Variants in UBE2V2 observed in about 807,000 individuals in gnomAD.
UBE2V2 encodes ubiquitin-conjugating enzyme E2 variant 2.
Under a neutral mutation model 17.2 loss-of-function variants are expected in UBE2V2, and 9 were observed. The ratio of observed to expected loss-of-function variants is 0.52; its 90% CI spans 0.32 to 0.91. The LOEUF (loss-of-function observed/expected upper bound fraction) is 0.91. Among genes scored for constraint, UBE2V2 ranks in the 40% least tolerant of loss-of-function variants. UBE2V2 has a pLI of 0.04. For synonymous variants in UBE2V2, 61 were observed against 57.5 expected (o/e 1.06, Z -0.28); for missense variants, 133 against 182.6 (o/e 0.73, Z 1.56).
rs943742701 is a variant in UBE2V2, at chr8:48,064,118, A to C, written c.*3290A>C. 1 of 152,216 alleles carries C rather than the reference A, an allele frequency of 6.6e-6. No individual in the cohort carries two copies. Among genetic ancestry groups the C allele is most frequent in the Admixed American group, 6.5e-5 (1 of 15,270 alleles). 9.4% of individuals were successfully genotyped at this position (152,216 alleles called of 1,614,324 possible). ...TATTAGGTACATTTTGAAGAATATAAGTACTGATGATAAAGTCTAGTATGC... is the reference window on the plus strand; with the variant it reads ...TATTAGGTACATTTTGAAGAATATACGTACTGATGATAAAGTCTAGTATGC... On this transcript the variant is annotated 3_prime_UTR_variant, in exon 4 of 4. Transcript: ENST00000523111.
chr8:48,049,733 A>T, intron 2 of UBE2V2, 120 bp from the exon 3 acceptor site: 1 of 843,218 alleles, frequency 1.2e-6, no homozygotes, highest in Non-Finnish European at 1.7e-6. Flanking sequence ...ATAAATTCTT[A>T]ATCATAAACA....
At chr8:48,056,319 T>C (rs1362646195) in intron 3 of UBE2V2, among the ~76,000 whole-genome samples, 2 of 152,194 alleles carry the variant, frequency 1.3e-5, no homozygotes, top group African/African-American at 4.8e-5. Flanking sequence ...AATATTTGTA[T>C]ACAAGTTTTT....
intron 1 of UBE2V2, among the ~76,000 whole-genome samples, chr8:48,022,974 C>CT (rs767561800): frequency 2.6e-5 from 4 of 151,758 alleles, no homozygotes; most frequent in Non-Finnish European, 5.9e-5. Context: ...CCCCTGGCCT[C>CT]TAAGTTTTCT....
chr8:48,047,692 G>C (rs1170119441), intron 2 of UBE2V2, among the ~76,000 whole-genome samples: 1 of 151,966 alleles, frequency 6.6e-6, no homozygotes, highest in Non-Finnish European at 1.5e-5. Context: ...CGACTAGCTG[G>C]GATTACAGGC....
chr8:48,007,110 G>T (rs1457385403), upstream of UBE2V2, among the ~76,000 whole-genome samples: 2 of 151,204 alleles, frequency 1.3e-5, no homozygotes, highest in Admixed American at 1.3e-4. Context: ...AGATGGTCTT[G>T]ATCTTCTGAC....
At chr8:48,000,821 C>CAAAAAAA in the UBE2V2 span, among the ~76,000 whole-genome samples, 1 of 20,486 alleles carries the variant, frequency 4.9e-5, no homozygotes, top group Non-Finnish European at 1.1e-4. Context: ...GACTTTGCCT[C>CAAAAAAA]AAAAAAAAAA....
At chr8:48,015,677 C>A (rs1313926882) in intron 1 of UBE2V2, among the ~76,000 whole-genome samples, 1 of 152,074 alleles carries the variant, frequency 6.6e-6, no homozygotes, top group Non-Finnish European at 1.5e-5. Context: ...CTCTGGTAAC[C>A]ACCATCTCCT....
chr8:48,046,345 C>G (rs1169992035), intron 2 of UBE2V2, among the ~76,000 whole-genome samples: 4 of 152,162 alleles, frequency 2.6e-5, no homozygotes, highest in Non-Finnish European at 5.9e-5. Flanking sequence ...GTCTCGATCT[C>G]CTGACCTTGT....
intron 1 of UBE2V2, among the ~76,000 whole-genome samples, chr8:48,024,150 G>T (rs2091324405): frequency 6.6e-6 from 1 of 152,092 alleles, no homozygotes; most frequent in Non-Finnish European, 1.5e-5. Flanking sequence ...CTTTTAAATA[G>T]AAATAGAAAA....
At chr8:48,018,036 C>T (rs2091282126) in intron 1 of UBE2V2, among the ~76,000 whole-genome samples, 1 of 151,940 alleles carries the variant, frequency 6.6e-6, no homozygotes, top group East Asian at 1.9e-4. Flanking sequence ...GGGGTTTCGC[C>T]ATGTTGGCCA....
the UBE2V2 span, among the ~76,000 whole-genome samples, chr8:48,002,504 G>C: frequency 6.6e-6 from 1 of 152,056 alleles, no homozygotes; most frequent in Non-Finnish European, 1.5e-5. Flanking sequence ...GTAAGGAATG[G>C]AGGCCAGGCA....
At chr8:48,002,176 C>T in the UBE2V2 span, among the ~76,000 whole-genome samples, 1 of 152,166 alleles carries the variant, frequency 6.6e-6, no homozygotes, top group Admixed American at 6.5e-5. Context: ...GGTCGTACCT[C>T]TTAACATTGT....
At chr8:48,004,730 CA>C (rs2091172679), upstream of UBE2V2, among the ~76,000 whole-genome samples, 1 of 151,958 alleles carries the variant, frequency 6.6e-6, no homozygotes, top group Non-Finnish European at 1.5e-5. Context: ...AGGGTTTCAC[CA>C]TTTTGGCCAG....
chr8:48,009,905 C>T (rs578055578), intron 1 of UBE2V2, among the ~76,000 whole-genome samples: 3 of 152,286 alleles, frequency 2.0e-5, no homozygotes, highest in Middle Eastern at 3.4e-3. Flanking sequence ...TATGACTTTA[C>T]TGTGCTTGCT....
chr8:48,016,737 C>T (rs2091271465), intron 1 of UBE2V2, among the ~76,000 whole-genome samples: 1 of 151,528 alleles, frequency 6.6e-6, no homozygotes, highest in Non-Finnish European at 1.5e-5. Context: ...CCACCTTGGC[C>T]TCCCAAGGTA....
the UBE2V2 span, among the ~76,000 whole-genome samples, chr8:48,001,885 T>C: frequency 6.6e-6 from 1 of 151,490 alleles, no homozygotes; most frequent in Non-Finnish European, 1.5e-5. Context: ...AGGTCAGGAG[T>C]TTGAGACCAG....
At position 48,043,013 on chromosome 8, in the gene UBE2V2, A is replaced by G. The variant is rs1345906114; in HGVS notation, c.17-20A>G. On this transcript the variant is annotated intron_variant, in intron 1 of 3. Transcript: ENST00000523111. ...ATAATTATGAGCTTTTTACATTTAC[A>G]CTGACGTTCTTTTGTATAGGAGTTA... is the stretch of plus-strand genomic sequence containing the variant. The G allele has an allele frequency of 6.8e-7, 1 of 1,476,954 alleles. No individual in the cohort carries two copies. The highest frequency in any genetic ancestry group is 2.3e-5 in the East Asian group (1 of 43,172). The allele number at this position is 1,476,954 out of a possible 1,614,324, so 91.5% of individuals were successfully genotyped here. A position where few individuals can be genotyped will look rare whatever the true frequency, so the allele number is the denominator to read the frequency against.
At chr8:48,025,191 C>G (rs1283675630) in intron 1 of UBE2V2, among the ~76,000 whole-genome samples, 1 of 152,084 alleles carries the variant, frequency 6.6e-6, no homozygotes, top group Non-Finnish European at 1.5e-5. Flanking sequence ...CCTGCCTCGG[C>G]CTCCCAAAGT....
At chr8:48,016,696 GC>G (rs979944367) in intron 1 of UBE2V2, among the ~76,000 whole-genome samples, 2 of 149,324 alleles carry the variant, frequency 1.3e-5, no homozygotes, top group African/African-American at 4.9e-5. Context: ...TGGTGAGGCT[GC>G]TCTCGAACTC....
Sources: gnomAD v4.1 joint callset for allele counts (sites outside exome capture counted in the v4.1 genomes callset) on GRCh38, gnomAD v4.1.1 for gene constraint, MANE v1.5 for transcripts, NCBI Gene and HGNC (gene_info 2026-07-23, HGNC 2026-07-21) for gene names.